LMBR1: variants seen among roughly 807,000 people sequenced by gnomAD.
The protein encoded by LMBR1 is limb region 1 protein homolog.
A neutral mutation model predicts 73.9 loss-of-function variants in LMBR1; 52 were observed. The observed-to-expected ratio is 0.70, with a 90% confidence interval of 0.56 to 0.89. The LOEUF (loss-of-function observed/expected upper bound fraction) is 0.89. LMBR1 is among the 40% of genes least tolerant of loss of function. The pLI is 0.00. For missense variants in LMBR1, 539 were observed against 579.8 expected (o/e 0.93, Z 0.72); for synonymous variants, 215 against 209.4 (o/e 1.03, Z -0.23).
intron 1 of LMBR1, among the ~76,000 whole-genome samples, chr7:156,889,170 A>C (rs758620168): frequency 6.6e-6 from 1 of 152,220 alleles, no homozygotes; most frequent in Non-Finnish European, 1.5e-5. Context: ...TGTATGGTTC[A>C]ACTGGGAATA....
At chr7:156,864,957 T>C (rs899755588) in intron 1 of LMBR1, among the ~76,000 whole-genome samples, 11 of 149,806 alleles carry the variant, frequency 7.3e-5, no homozygotes, top group South Asian at 4.2e-4. Context: ...GGTCGCGCCA[T>C]TGCACTTCAG....
At chr7:156,753,209 T>G (rs1004469168) in intron 9 of LMBR1, among the ~76,000 whole-genome samples, 2 of 151,636 alleles carry the variant, frequency 1.3e-5, no homozygotes, top group Admixed American at 6.6e-5. Context: ...GGGAAGGACA[T>G]GCACACAGAC....
At chr7:156,771,283 A>G (rs1002525284) in intron 5 of LMBR1, among the ~76,000 whole-genome samples, 3 of 152,076 alleles carry the variant, frequency 2.0e-5, no homozygotes, top group Non-Finnish European at 4.4e-5. Context: ...GATCAATGAA[A>G]CCAGGAGTTG....
At chr7:156,762,962 T>G (rs1435405190) in intron 7 of LMBR1, 146 bp downstream of exon 7, 9 of 551,152 alleles carry the variant, frequency 1.6e-5, no homozygotes, top group Non-Finnish European at 2.3e-5. Context: ...TTTCCATTTA[T>G]CAAAATTTAT....
intron 9 of LMBR1, among the ~76,000 whole-genome samples, chr7:156,735,923 A>C (rs1817776672): frequency 6.6e-6 from 1 of 152,212 alleles, no homozygotes; most frequent in East Asian, 1.9e-4. Context: ...ACTAGTTAAA[A>C]CAGAAAAGGA....
chr7:156,891,430 T>C (rs754028671), intron 1 of LMBR1, among the ~76,000 whole-genome samples: 14 of 150,308 alleles, frequency 9.3e-5, no homozygotes, highest in Admixed American at 4.6e-4. Flanking sequence ...TCACAAACAT[T>C]GTACAAGAAA....
intron 4 of LMBR1, among the ~76,000 whole-genome samples, chr7:156,801,478 C>A (rs1431829220): frequency 6.6e-6 from 1 of 152,196 alleles, no homozygotes; most frequent in African/African-American, 2.4e-5. Flanking sequence ...CATCACAGTA[C>A]ACTGGAACCA....
intron 4 of LMBR1, among the ~76,000 whole-genome samples, chr7:156,671,115 CAG>C (rs1395330654): frequency 6.6e-6 from 1 of 152,132 alleles, no homozygotes; most frequent in Non-Finnish European, 1.5e-5. Flanking sequence ...AGAATAGAAA[CAG>C]AGTTTTAACC....
rs1826699059 is a variant in LMBR1, at chr7:156,779,294, C to A, written c.424-15499G>T. On this transcript the variant is annotated intron_variant, in intron 5 of 16. Transcript: ENST00000353442. ...ATTACTTTAGCGAAACTCCTTCCTTCTGATTAAAATTGCAGTATAATAAGC... is the reference window on the plus strand; with the variant it reads ...ATTACTTTAGCGAAACTCCTTCCTTATGATTAAAATTGCAGTATAATAAGC... Among the ~76,000 whole-genome samples, 1 of 152,144 alleles carries A rather than the reference C, an allele frequency of 6.6e-6. No homozygotes were observed. The highest frequency in any genetic ancestry group is 2.4e-5 in the African/African-American group (1 of 41,440).
At chr7:156,761,976 C>CCA (rs1823114128) in intron 8 of LMBR1, among the ~76,000 whole-genome samples, 158 bp downstream of exon 8, 2 of 104,206 alleles carry the variant, frequency 1.9e-5, no homozygotes, top group African/African-American at 8.0e-5. Context: ...GACTCTGTCT[C>CCA]AAAAAAAAAA....
intron 9 of LMBR1, among the ~76,000 whole-genome samples, chr7:156,736,166 C>T (rs969134825): frequency 1.3e-5 from 2 of 152,124 alleles, no homozygotes; most frequent in African/African-American, 4.8e-5. Flanking sequence ...CTTGGAGAGC[C>T]GTGAACTTTG....
intron 4 of LMBR1, among the ~76,000 whole-genome samples, chr7:156,826,021 C>T (rs1273619303): frequency 6.6e-6 from 1 of 152,180 alleles, no homozygotes; most frequent in Non-Finnish European, 1.5e-5. Context: ...CTCTTCTTGC[C>T]CAGGCCAGAG....
intron 1 of LMBR1, among the ~76,000 whole-genome samples, chr7:156,850,563 C>G (rs967828250): frequency 1.3e-5 from 2 of 152,130 alleles, no homozygotes; most frequent in Admixed American, 6.5e-5. Flanking sequence ...TGTCTGGCTT[C>G]TTTCACTTAG....
At chr7:156,875,309 G>C (rs1481974632) in intron 1 of LMBR1, among the ~76,000 whole-genome samples, 15 of 152,152 alleles carry the variant, frequency 9.9e-5, no homozygotes, top group Admixed American at 9.8e-4. Flanking sequence ...CCTCCAAGAA[G>C]TTTGGGATTA....
chr7:156,840,979 A>T (rs890301491), intron 1 of LMBR1, among the ~76,000 whole-genome samples: 5 of 148,548 alleles, frequency 3.4e-5, no homozygotes, highest in African/African-American at 1.3e-4. Flanking sequence ...AAAAAAAAAA[A>T]AAAAAGAAAA....
At chr7:156,705,556 G>A (rs936475922) in intron 15 of LMBR1, among the ~76,000 whole-genome samples, 27 of 151,954 alleles carry the variant, frequency 1.8e-4, no homozygotes, top group African/African-American at 5.1e-4. Flanking sequence ...AGACTCTGTC[G>A]CAAAAAGAAA....
At chr7:156,711,978 G>A (rs1037131341) in intron 15 of LMBR1, among the ~76,000 whole-genome samples, 11 of 152,052 alleles carry the variant, frequency 7.2e-5, no homozygotes, top group Non-Finnish European at 1.5e-4. Context: ...AAGCACAGAC[G>A]ACTAAAGCAA....
chr7:156,763,608 T>A (rs1823535460), intron 6 of LMBR1, 61 bp downstream of exon 6: 1 of 1,438,264 alleles, frequency 7.0e-7, no homozygotes, highest in East Asian at 2.6e-5. Flanking sequence ...ATTGAGTGTG[T>A]AATTATATCC....
intron 5 of LMBR1, among the ~76,000 whole-genome samples, chr7:156,765,520 G>A (rs1380887287): frequency 1.3e-5 from 2 of 152,140 alleles, no homozygotes; most frequent in African/African-American, 2.4e-5. Flanking sequence ...TCATAGCAGT[G>A]TGAGACAGAA....
Sources: allele counts gnomAD v4.1 joint callset (sites outside exome capture counted in the v4.1 genomes callset), GRCh38; gene constraint gnomAD v4.1.1; transcripts MANE v1.5; gene names NCBI Gene and HGNC (gene_info 2026-07-23, HGNC 2026-07-21).